C11orf65: variants seen among roughly 807,000 people sequenced by gnomAD.
C11orf65 encodes the protein chromosome 11 open reading frame 65, also known as protein MFI.
Under a neutral mutation model 35.3 loss-of-function variants are expected in C11orf65, and 38 were observed. The observed-to-expected ratio is 1.08, with a 90% confidence interval of 0.83 to 1.41. The LOEUF (loss-of-function observed/expected upper bound fraction) is 1.41. Among genes scored for constraint, C11orf65 ranks in the 40% most tolerant of loss-of-function variants. The pLI, the probability that C11orf65 is intolerant of heterozygous loss-of-function variation, is 0.00. For missense variants in C11orf65, 370 were observed against 367.1 expected (o/e 1.01, Z -0.06); for synonymous variants, 105 against 114.4 (o/e 0.92, Z 0.53).
intron 3 of C11orf65, among the ~76,000 whole-genome samples, chr11:108,416,282 G>A (rs1394693149): frequency 6.6e-6 from 1 of 152,118 alleles, no homozygotes; most frequent in African/African-American, 2.4e-5. Flanking sequence ...TTAAAAATGG[G>A]CAAAGGACCT....
downstream of C11orf65, chr11:108,331,272 TAGAA>T (rs4988122): frequency 1.8e-3 from 2,411 of 1,368,984 alleles, 4 homozygotes; most frequent in Non-Finnish European, 2.1e-3. Flanking sequence ...GAGTACCCAT[TAGAA>T]AGACCTTCAG....
At chr11:108,397,474 C>G (rs912012343) in intron 6 of C11orf65, among the ~76,000 whole-genome samples, 1 of 151,832 alleles carries the variant, frequency 6.6e-6, no homozygotes, top group African/African-American at 2.4e-5. Flanking sequence ...AATGTCACAA[C>G]AGAGAGAGAA....
intron 2 of C11orf65, among the ~76,000 whole-genome samples, chr11:108,345,214 A>G (rs1413224312): frequency 1.3e-5 from 2 of 152,236 alleles, no homozygotes; most frequent in African/African-American, 4.8e-5. Flanking sequence ...CTAAAGCTTA[A>G]TAAAGATATC....
At chr11:108,441,351 A>G (rs941339532) in intron 2 of C11orf65, among the ~76,000 whole-genome samples, 1 of 152,218 alleles carries the variant, frequency 6.6e-6, no homozygotes, top group Non-Finnish European at 1.5e-5. Flanking sequence ...GCCCACCAAC[A>G]GTTCAAGGAG....
At chr11:108,446,177 G>T (rs2093254234) in intron 2 of C11orf65, among the ~76,000 whole-genome samples, 1 of 152,000 alleles carries the variant, frequency 6.6e-6, no homozygotes, top group Non-Finnish European at 1.5e-5. Flanking sequence ...GAAAGTGATG[G>T]GGAGAATGGA....
intron 2 of C11orf65, among the ~76,000 whole-genome samples, chr11:108,344,590 T>C (rs908225434): frequency 2.6e-5 from 4 of 152,074 alleles, no homozygotes; most frequent in African/African-American, 9.7e-5. Context: ...TTTTTGAGAA[T>C]GCAAACTGGA....
intron 6 of C11orf65, among the ~76,000 whole-genome samples, chr11:108,322,886 G>C (rs574863668): frequency 1.9e-4 from 29 of 151,410 alleles, no homozygotes; most frequent in African/African-American, 5.3e-4. Flanking sequence ...CTTGCTACTA[G>C]ATAAAAGAAG....
chr11:108,393,505 C>T (rs2092220544), intron 6 of C11orf65, 127 bp from the exon 7 acceptor site: 1 of 874,804 alleles, frequency 1.1e-6, no homozygotes. Context: ...GTTTTCATTC[C>T]TATATAACTC....
chr11:108,407,827 G>A (rs1173602664), intron 3 of C11orf65, among the ~76,000 whole-genome samples: 1 of 150,042 alleles, frequency 6.7e-6, no homozygotes, highest in South Asian at 2.1e-4. Flanking sequence ...AGCTACTCAG[G>A]AGGCTGAGGC....
intron 2 of C11orf65, among the ~76,000 whole-genome samples, chr11:108,451,240 T>C (rs1038897979): frequency 4.6e-5 from 7 of 151,996 alleles, no homozygotes; most frequent in South Asian, 2.1e-4. Flanking sequence ...GACGACATGA[T>C]TGTATATTTA....
In C11orf65 at chr11:108,332,916, A is replaced by G; in HGVS notation, c.300-1349T>C. Reference sequence around the variant, plus strand: ...ACTCAGAGAAGTATGTTTTTTTTAAAGAAGAAACGTTACTTTCTTGCTGTG... The same window carrying G: ...ACTCAGAGAAGTATGTTTTTTTTAAGGAAGAAACGTTACTTTCTTGCTGTG... On this transcript the variant is annotated intron_variant, in intron 3 of 3. Transcript: ENST00000524755. 6.2e-7 allele frequency: 1 copy of G among 1,608,614 alleles called. No individual in the cohort carries two copies. The highest frequency in any genetic ancestry group is 8.5e-7 in the Non-Finnish European group (1 of 1,178,054).
intron 3 of C11orf65, among the ~76,000 whole-genome samples, chr11:108,425,618 A>G (rs1197176235): frequency 6.6e-6 from 1 of 152,234 alleles, no homozygotes; most frequent in Non-Finnish European, 1.5e-5. Flanking sequence ...AACAATAGAA[A>G]AAGAGGGGCT....
chr11:108,354,646 G>A (rs139072720), intron 2 of C11orf65, among the ~76,000 whole-genome samples: 9 of 152,262 alleles, frequency 5.9e-5, no homozygotes, highest in East Asian at 1.9e-4. Context: ...CATTTCAAAC[G>A]TCTAATGAAA....
chr11:108,447,949 G>C (rs1388753341), intron 2 of C11orf65, among the ~76,000 whole-genome samples: 3 of 152,058 alleles, frequency 2.0e-5, no homozygotes, highest in Admixed American at 6.6e-5. Flanking sequence ...TGATAAAGGG[G>C]ATATCACCAC....
intron 2 of C11orf65, among the ~76,000 whole-genome samples, chr11:108,359,235 A>G (rs2090413176): frequency 6.6e-6 from 1 of 151,748 alleles, no homozygotes; most frequent in African/African-American, 2.4e-5. Context: ...CAATTCAACA[A>G]GAAGAGCTAA....
At chr11:108,389,915 C>T (rs1024450798) in intron 7 of C11orf65, among the ~76,000 whole-genome samples, 5 of 151,770 alleles carry the variant, frequency 3.3e-5, no homozygotes, top group Non-Finnish European at 7.4e-5. Flanking sequence ...AAGATGGTCT[C>T]GATCTCCTGA....
intron 6 of C11orf65, among the ~76,000 whole-genome samples, chr11:108,393,753 CA>C (rs2092229223): frequency 6.6e-6 from 1 of 151,602 alleles, no homozygotes; most frequent in Admixed American, 6.6e-5. Context: ...GTAAATTTTA[CA>C]AAATCAAGAG....
chr11:108,425,802 A>G (rs2092893459), intron 3 of C11orf65, among the ~76,000 whole-genome samples: 1 of 152,196 alleles, frequency 6.6e-6, no homozygotes, highest in Non-Finnish European at 1.5e-5. Flanking sequence ...ATCCACCACG[A>G]TCAAGTCGGC....
Position 108,372,737 on chromosome 11 carries a change from A to C in C11orf65, c.226+20471T>G, listed in dbSNP as rs184587161. 1.8e-3 allele frequency among the ~76,000 whole-genome samples: 278 copies of C among 152,330 alleles called. 2 individuals carry two copies. The highest frequency in any genetic ancestry group is 0.014 in the Middle Eastern group (4 of 294). ...TACCAATTCTACAAAAACTCTTCAT[A>C]ATATTAGAATAACCCATTTTATGAA... On this transcript the variant is annotated intron_variant, in intron 2 of 3. Coordinates refer to the C11orf65 transcript ENST00000524755.
Sources: gnomAD v4.1 joint callset for allele counts (sites outside exome capture counted in the v4.1 genomes callset) on GRCh38, gnomAD v4.1.1 for gene constraint, MANE v1.5 for transcripts, NCBI Gene and HGNC (gene_info 2026-07-23, HGNC 2026-07-21) for gene names.